Variants in PSG3 observed in about 807,000 individuals in gnomAD.
The protein encoded by PSG3 is pregnancy-specific beta-1-glycoprotein 3.
A neutral mutation model predicts 47.5 loss-of-function variants in PSG3; 61 were observed. The ratio of observed to expected loss-of-function variants is 1.28; its 90% CI spans 1.05 to 1.59. PSG3 has a LOEUF of 1.59. Ranked by LOEUF, PSG3 falls within the 40% of genes most tolerant of loss-of-function variation. The probability of loss-of-function intolerance (pLI) is 0.00; values close to 1 mark genes in which losing one functional copy is unlikely to be tolerated. For missense variants in PSG3, 756 were observed against 524.0 expected, an observed-to-expected ratio of 1.44 and a Z score of -4.32; for synonymous variants, 263 against 198.4, an observed-to-expected ratio of 1.33 and a Z score of -2.74.
chr19:42,723,504 T>C (rs2122156895), intron 6 of PSG3, among the ~76,000 whole-genome samples: 1 of 152,322 alleles, frequency 6.6e-6, no homozygotes, highest in South Asian at 2.1e-4. Flanking sequence ...CTGGAGATTC[T>C]TGATTAAGTG....
At chr19:42,724,360 C>T (rs1452216735) in intron 5 of PSG3, among the ~76,000 whole-genome samples, 1 of 152,190 alleles carries the variant, frequency 6.6e-6, no homozygotes, top group Admixed American at 6.5e-5. Flanking sequence ...TTCTCAGTGT[C>T]TCTGTTGTGG....
In PSG3 at chr19:42,721,852, A is replaced by T. The variant is rs1238491453; in HGVS notation, c.*279T>A. 2.4e-6 allele frequency: 1 copy of T among 413,684 alleles called. No individual in the cohort carries two copies. Among genetic ancestry groups the T allele is most frequent in the Non-Finnish European group, 4.4e-6 (1 of 225,980 alleles). 25.6% of individuals were successfully genotyped at this position (413,684 alleles called of 1,614,324 possible). On this transcript the variant is annotated 3_prime_UTR_variant, in exon 7 of 7. Coordinates refer to ENST00000327495, the MANE Select transcript of PSG3 (RefSeq NM_021016.4). ...TTTTCAAATAGAAAATTATGAAAACATTGTTTTGACTATTTAGTCCAATAA... is the reference window on the plus strand; with the variant it reads ...TTTTCAAATAGAAAATTATGAAAACTTTGTTTTGACTATTTAGTCCAATAA...
intron 2 of PSG3, among the ~76,000 whole-genome samples, chr19:42,734,850 G>C: frequency 6.6e-6 from 1 of 152,316 alleles, no homozygotes; most frequent in Middle Eastern, 3.4e-3. Flanking sequence ...TCTGTGCAGA[G>C]TTAGGAAAAA....
intron 2 of PSG3, among the ~76,000 whole-genome samples, chr19:42,735,159 C>G (rs1380467751): frequency 6.6e-6 from 1 of 152,146 alleles, no homozygotes; most frequent in Admixed American, 6.5e-5. Context: ...GTAGTTGTCC[C>G]ACAGCTACAA....
In PSG3 at chr19:42,729,819, T is replaced by C; in HGVS notation, c.947A>G (p.Tyr316Cys). The C allele has an allele frequency of 6.3e-7, 1 of 1,598,234 alleles. No individual in the cohort carries two copies. The highest frequency in any genetic ancestry group is 1.1e-5 in the South Asian group (1 of 90,780). The change falls in exon 4 of 7, where the codon TAT becomes TGT. Residue 316 changes from tyrosine (Y) to cysteine (C), a missense_variant. Tyr to Cys is a radical substitution (Grantham distance 194). Transcript: ENST00000327495. ...GACTGGGTAACTGCGGATGCCACCA[T>C]ATCGGTCCTGTATTTCACATTGATA... ...GPYQCEIQDR[Y>C]GGIRSYPVTL... is the part of the protein sequence containing the mutation.
At chr19:42,738,172 G>C (rs1230653102) in intron 2 of PSG3, among the ~76,000 whole-genome samples, 1 of 152,194 alleles carries the variant, frequency 6.6e-6, no homozygotes, top group Non-Finnish European at 1.5e-5. Flanking sequence ...GCCCAGATGA[G>C]GCTCTGAGGG....
intron 3 of PSG3, among the ~76,000 whole-genome samples, chr19:42,730,315 C>T (rs1296173294): frequency 1.3e-5 from 2 of 152,144 alleles, no homozygotes; most frequent in African/African-American, 2.4e-5. Flanking sequence ...ACAGACACGT[C>T]AATGGGAGTC....
intron 3 of PSG3, among the ~76,000 whole-genome samples, chr19:42,731,616 G>T (rs1482775302): frequency 1.3e-5 from 2 of 151,836 alleles, no homozygotes; most frequent in African/African-American, 4.8e-5. Flanking sequence ...ATTAATAAGA[G>T]CCTGTCAGGT....
chr19:42,727,949 T>G (rs1252372415), intron 5 of PSG3, among the ~76,000 whole-genome samples: 1 of 152,206 alleles, frequency 6.6e-6, no homozygotes, highest in Non-Finnish European at 1.5e-5. Context: ...TAACAAGGAA[T>G]AAAATTCCAA....
At chr19:42,739,240 C>T (rs1969625191) in intron 1 of PSG3, 151 bp from the exon 2 acceptor site, 2 of 1,282,752 alleles carry the variant, frequency 1.6e-6, no homozygotes, top group Non-Finnish European at 1.1e-6. Flanking sequence ...ACAAAAGGGG[C>T]ATGTGTATAT....
chr19:42,739,177 A>C lies in PSG3; in HGVS notation c.65-88T>G, dbSNP rs1969623200. 5 of 1,465,084 alleles carry C rather than the reference A, an allele frequency of 3.4e-6. No individual in the cohort carries two copies. The South Asian group carries it at 5.3e-5, about 16-fold the overall frequency. The allele number at this position is 1,465,084 out of a possible 1,614,324, so 90.8% of individuals were successfully genotyped here. ...CCCTGGGTCCTGAGAAGGTCTCTTCAATCCTCAGCTTTGAAGAGACACACA... is the reference window on the plus strand; with the variant it reads ...CCCTGGGTCCTGAGAAGGTCTCTTCCATCCTCAGCTTTGAAGAGACACACA... On this transcript the variant is annotated intron_variant, in intron 1 of 6. Coordinates refer to ENST00000327495, the MANE Select transcript of PSG3 (RefSeq NM_021016.4).
intron 6 of PSG3, among the ~76,000 whole-genome samples, chr19:42,722,492 G>T (rs1969314601): frequency 6.6e-6 from 1 of 152,160 alleles, no homozygotes; most frequent in African/African-American, 2.4e-5. Context: ...CTGACCTTGT[G>T]ATCCGCCCAC....
intron 3 of PSG3, among the ~76,000 whole-genome samples, chr19:42,731,503 G>T (rs937563185): frequency 1.3e-5 from 2 of 152,084 alleles, no homozygotes; most frequent in African/African-American, 4.8e-5. Context: ...TATTTTTGAA[G>T]GCCTTGGGAT....
intron 2 of PSG3, among the ~76,000 whole-genome samples, chr19:42,735,167 C>T (rs1433319611): frequency 6.6e-6 from 1 of 152,164 alleles, no homozygotes; most frequent in Non-Finnish European, 1.5e-5. Context: ...CCCACAGCTA[C>T]AAAATTTAAA....
rs1449073564 is a variant in PSG3, at chr19:42,733,063, C to G, written c.431-1G>C. On this transcript the variant is annotated splice_acceptor_variant, in intron 2 of 6. Coordinates refer to ENST00000327495, the MANE Select transcript of PSG3 (RefSeq NM_021016.4). LOFTEE classifies it high-confidence loss of function. ...GAGATGGAGGGCTTGGGAGTCTCCA[C>G]TGTGCAGAAAACAGAGAGAAGATTG... is the stretch of plus-strand genomic sequence containing the variant. The G allele has an allele frequency of 6.2e-7, 1 of 1,613,622 alleles. No homozygotes were observed. The highest frequency in any genetic ancestry group is 2.2e-5 in the East Asian group (1 of 44,886).
intron 5 of PSG3, among the ~76,000 whole-genome samples, chr19:42,728,290 C>G (rs550101629): frequency 6.6e-6 from 1 of 152,330 alleles, no homozygotes; most frequent in South Asian, 2.1e-4. Context: ...GTCTTACCCT[C>G]TCTATAATTA....
At chr19:42,724,840 C>T (rs1969350824) in intron 5 of PSG3, among the ~76,000 whole-genome samples, 1 of 151,796 alleles carries the variant, frequency 6.6e-6, no homozygotes, top group Non-Finnish European at 1.5e-5. Context: ...AGTCAGTAAC[C>T]ATGTCCTAGT....
chr19:42,725,071 C>T (rs1490203631), intron 5 of PSG3, among the ~76,000 whole-genome samples: 2 of 152,134 alleles, frequency 1.3e-5, no homozygotes, highest in Non-Finnish European at 2.9e-5. Flanking sequence ...TGGCTAGTGA[C>T]AGGTGGATCT....
At chr19:42,735,589 A>G (rs1600389024) in intron 2 of PSG3, among the ~76,000 whole-genome samples, 1 of 152,150 alleles carries the variant, frequency 6.6e-6, no homozygotes, top group African/African-American at 2.4e-5. Context: ...GATGGTCTCC[A>G]TCTCCTGACC....
Sources: allele counts gnomAD v4.1 joint callset (sites outside exome capture counted in the v4.1 genomes callset), GRCh38; gene constraint gnomAD v4.1.1; transcripts MANE v1.5; gene names NCBI Gene and HGNC (gene_info 2026-07-23, HGNC 2026-07-21).